NLRC3: variants seen among roughly 807,000 people sequenced by gnomAD.
NLRC3 encodes the protein NLR family CARD domain containing 3, also known as NLR family CARD domain-containing protein 3.
NLRC3 carries 87 observed loss-of-function variants against 91.6 expected under a neutral mutation model. The ratio of observed to expected loss-of-function variants is 0.95; its 90% confidence interval spans 0.80 to 1.14. NLRC3 has a LOEUF of 1.14. Ranked by LOEUF, NLRC3 falls within the 50% of genes most tolerant of loss-of-function variation. The probability of loss-of-function intolerance (pLI) is 0.00; values close to 1 mark genes in which losing one functional copy is unlikely to be tolerated. For missense variants in NLRC3, 1,577 were observed against 1,418.6 expected, an observed-to-expected ratio of 1.11 and a Z score of -1.79; for synonymous variants, 694 against 625.3, an observed-to-expected ratio of 1.11 and a Z score of -1.64.
chr16:3,574,869 G>C (rs1020418789), intron 1 of NLRC3, among the ~76,000 whole-genome samples: 2 of 152,136 alleles, frequency 1.3e-5, no homozygotes, highest in East Asian at 3.9e-4. Context: ...GGCTGAGGCA[G>C]GAGAATCGCC....
intron 9 of NLRC3, among the ~76,000 whole-genome samples, chr16:3,553,495 G>A (rs1024596034): frequency 6.6e-6 from 1 of 152,192 alleles, no homozygotes; most frequent in Admixed American, 6.5e-5. Context: ...ATTATCTGCT[G>A]TATTTAGGAT....
intron 18 of NLRC3, 129 bp from the exon 19 acceptor site, chr16:3,542,403 C>T (rs1039359612): frequency 1.0e-5 from 7 of 690,792 alleles, no homozygotes; most frequent in Non-Finnish European, 1.8e-5. Flanking sequence ...ATGGCAACTC[C>T]AGGTGGGAGT....
chr16:3,551,647 C>G (rs988890029), intron 10 of NLRC3, among the ~76,000 whole-genome samples: 2 of 151,492 alleles, frequency 1.3e-5, no homozygotes, highest in African/African-American at 4.9e-5. Flanking sequence ...AACCATCCAT[C>G]CATCCATTCA....
chr16:3,557,846 C>T (rs994752573), intron 6 of NLRC3, among the ~76,000 whole-genome samples, 170 bp from the exon 7 acceptor site: 6 of 152,166 alleles, frequency 3.9e-5, no homozygotes, highest in Admixed American at 3.3e-4. Flanking sequence ...CAGCAGAGCC[C>T]CTGAGCCTGG....
chr16:3,548,102 C>T (rs905113304), intron 15 of NLRC3, 33 bp downstream of exon 15: 14 of 1,457,918 alleles, frequency 9.6e-6, no homozygotes, highest in African/African-American at 8.4e-5. Context: ...CTCAACAGCC[C>T]CCGCCCTGCA....
intron 15 of NLRC3, among the ~76,000 whole-genome samples, chr16:3,546,011 G>A (rs148413692): frequency 1.9e-4 from 29 of 152,274 alleles, no homozygotes; most frequent in East Asian, 9.7e-4. Context: ...GAGTGGTGCC[G>A]ATGGCCTGGG....
Position 3,564,669 on chromosome 16 carries a change from G to A in NLRC3, c.268C>T (p.Leu90Phe). ...LGGPWHRLAS[L>F]LLVEGLTDLQ... ...TCCGTCAGGCCCTCCACCAGCAGGA[G>A]GGAGGCCAGCCTGTGCCAGGGTCCG... Residue 90 changes from leucine to phenylalanine, a missense_variant, in exon 5 of 20, where the codon CTC (leucine) becomes TTC (phenylalanine). Physicochemically the swap from Leu to Phe is conservative, Grantham distance 22 (BLOSUM62 0). Coordinates refer to ENST00000359128, the MANE Select transcript of NLRC3 (RefSeq NM_178844.4). This position sits in a 1 kb window ranked among gnomAD's most constrained non-coding sequence, Gnocchi z 5.9. The A allele has an allele frequency of 6.2e-7, 1 of 1,604,618 alleles. No individual in the cohort carries two copies. Among genetic ancestry groups the A allele is most frequent in the Non-Finnish European group, 8.5e-7 (1 of 1,179,560 alleles).
At position 3,549,232 on chromosome 16, in the gene NLRC3, A is replaced by T; in HGVS notation, c.2520-7T>A. 6.4e-7 allele frequency: 1 copy of T among 1,569,582 alleles called. No individual in the cohort carries two copies. The highest frequency in any genetic ancestry group is 8.6e-7 in the Non-Finnish European group (1 of 1,156,120). ...GATGGAGTTTTCTCGAAGGCTGAAA[A>T]AAAAGGAAAGACCTGAGCTTCTGAC... On this transcript the variant is annotated splice_polypyrimidine_tract_variant and splice_region_variant and intron_variant, in intron 12 of 19. Transcript: ENST00000359128.
intron 1 of NLRC3, among the ~76,000 whole-genome samples, chr16:3,576,360 G>C (rs1354100160): frequency 6.6e-6 from 1 of 152,206 alleles, no homozygotes; most frequent in Non-Finnish European, 1.5e-5. Context: ...CTCGCCTGGG[G>C]GCGGCGCCTG....
chr16:3,576,627 C>A, intron 1 of NLRC3, among the ~76,000 whole-genome samples: 1 of 152,136 alleles, frequency 6.6e-6, no homozygotes, highest in South Asian at 2.1e-4. Flanking sequence ...CTGTCCTGGG[C>A]CATTCTTAGT....
intron 15 of NLRC3, among the ~76,000 whole-genome samples, chr16:3,546,986 C>T (rs112802589): frequency 1.1e-4 from 16 of 152,198 alleles, no homozygotes; most frequent in East Asian, 3.9e-4. Flanking sequence ...GGAGAAAGGC[C>T]GATGAGGCTC....
intron 1 of NLRC3, among the ~76,000 whole-genome samples, chr16:3,569,397 A>ATATTT (rs2040013749): frequency 9.7e-5 from 4 of 41,060 alleles, no homozygotes; most frequent in Admixed American, 4.4e-4. Flanking sequence ...TATATATATT[A>ATATTT]TTTTTTTTTT....
chr16:3,573,489 C>T (rs1048546974), intron 1 of NLRC3, among the ~76,000 whole-genome samples: 1 of 152,202 alleles, frequency 6.6e-6, no homozygotes, highest in Non-Finnish European at 1.5e-5. Context: ...CCAAATGAAG[C>T]AGTGCTACTG....
intron 6 of NLRC3, among the ~76,000 whole-genome samples, chr16:3,559,238 T>C (rs544429405): frequency 2.0e-5 from 3 of 152,196 alleles, no homozygotes; most frequent in Non-Finnish European, 4.4e-5. Flanking sequence ...TTTATGGCAT[T>C]TTATAAGTTG....
rs866031855 is a variant in NLRC3, at chr16:3,542,710, G to C, written c.3005C>G (p.Ser1002Ter). Residue 1002 changes from serine (S) to a stop codon, truncating the protein, a stop_gained, in exon 18 of 20, where the codon TCA becomes TGA. Coordinates refer to ENST00000359128, the MANE Select transcript of NLRC3 (RefSeq NM_178844.4). LOFTEE classifies it high-confidence loss of function. ...CACTTACTTGAGTCTCCGGAGACTTGAGTTTACCTTCAGAGCATTTGCCAG... is the reference window on the plus strand; with the variant it reads ...CACTTACTTGAGTCTCCGGAGACTTCAGTTTACCTTCAGAGCATTTGCCAG... The part of the protein sequence containing the change: ...KALANALKVN[S>*]SLRRLNLQEN... 1.6e-5 allele frequency: 26 copies of C among 1,609,762 alleles called. No homozygotes were observed. The Middle Eastern group carries it at 8.4e-4, about 52-fold the overall frequency.
chr16:3,550,870 T>C (rs1179059361), intron 10 of NLRC3, among the ~76,000 whole-genome samples: 1 of 152,148 alleles, frequency 6.6e-6, no homozygotes, highest in Non-Finnish European at 1.5e-5. Context: ...TGAGTCTCCA[T>C]TCTCCTCGGT....
At chr16:3,565,279 A>G (rs1406472494) in intron 3 of NLRC3, 40 bp downstream of exon 3, 11 of 684,422 alleles carry the variant, frequency 1.6e-5, no homozygotes, top group Non-Finnish European at 2.7e-5. Context: ...AGTGGATGAT[A>G]ACTGGGGCCC....
At chr16:3,556,354 A>G (rs1466028568) in intron 8 of NLRC3, among the ~76,000 whole-genome samples, 15 of 127,394 alleles carry the variant, frequency 1.2e-4, no homozygotes, top group African/African-American at 4.1e-4. Context: ...AAAAAAAAAA[A>G]GAGACGTAAC....
chr16:3,563,304 G>A lies in NLRC3; in HGVS notation c.1633C>T (p.Gln545Ter). The A allele has an allele frequency of 1.2e-6, 2 of 1,600,244 alleles. No individual in the cohort carries two copies. The highest frequency in any genetic ancestry group is 1.7e-6 in the Non-Finnish European group (2 of 1,174,358). The change falls in exon 5 of 20, where the codon CAG becomes TAG. Residue 545 changes from glutamine (Q) to a stop codon, truncating the protein, a stop_gained. Coordinates refer to ENST00000359128, the MANE Select transcript of NLRC3 (RefSeq NM_178844.4). LOFTEE classifies it high-confidence loss of function. ...CAGCCCTGCAGGAGCTCAGCCACCT[G>A]GGTCCGGTAGGCCTGGTGCTCGCCT... ...AQGEHQAYRT[Q>*]VAELLQGCLR...
Sources: allele counts gnomAD v4.1 joint callset (sites outside exome capture counted in the v4.1 genomes callset), GRCh38; gene constraint gnomAD v4.1.1; non-coding constraint Gnocchi (gnomAD v3.1); transcripts MANE v1.5; gene names NCBI Gene and HGNC (gene_info 2026-07-23, HGNC 2026-07-21).